Variants in GLB1L2 observed in about 807,000 individuals in gnomAD.
GLB1L2 encodes the protein galactosidase beta 1 like 2.
Under a neutral mutation model 84.1 loss-of-function variants are expected in GLB1L2, and 68 were observed. That is an observed-to-expected ratio of 0.81 (90% CI 0.67 to 0.99). The LOEUF (loss-of-function observed/expected upper bound fraction) is 0.99, where lower values mean the gene tolerates loss of function less well. Among genes scored for constraint, GLB1L2 ranks in the 50% least tolerant of loss-of-function variants. GLB1L2 has a pLI of 0.00. For missense variants in GLB1L2, 762 were observed against 805.6 expected (o/e 0.95, Z 0.66); for synonymous variants, 290 against 318.0 (o/e 0.91, Z 0.94).
intron 8 of GLB1L2, 122 bp downstream of exon 8, chr11:134,364,520 T>G (rs1404065994): frequency 2.6e-6 from 2 of 759,936 alleles, no homozygotes; most frequent in Non-Finnish European, 4.4e-6. Flanking sequence ...TGATGGCCTC[T>G]GGCCCCCCGC....
At chr11:134,358,476 C>A (rs564268547) in intron 6 of GLB1L2, among the ~76,000 whole-genome samples, 1 of 152,282 alleles carries the variant, frequency 6.6e-6, no homozygotes. Context: ...TCAAGCACAG[C>A]GTTTCTTCCA....
chr11:134,354,738 C>T (rs7935721), intron 5 of GLB1L2, among the ~76,000 whole-genome samples: 6,825 of 152,138 alleles, frequency 0.045, 509 homozygotes, highest in East Asian at 0.32. Context: ...CCTTTATAGT[C>T]TTATTGAGGA....
chr11:134,362,467 C>T (rs1010470560), intron 7 of GLB1L2, among the ~76,000 whole-genome samples: 1 of 152,214 alleles, frequency 6.6e-6, no homozygotes. Context: ...ACTCGGAGCG[C>T]CGGGTGTGGG....
At chr11:134,351,329 T>C (rs1346005800) in intron 5 of GLB1L2, among the ~76,000 whole-genome samples, 4 of 150,726 alleles carry the variant, frequency 2.7e-5, no homozygotes, top group Admixed American at 1.3e-4. Context: ...ATTACATTGA[T>C]TGATTCTTTT....
chr11:134,344,834 C>T (rs1173042512), intron 3 of GLB1L2, among the ~76,000 whole-genome samples, 200 bp from the exon 4 acceptor site: 1 of 152,252 alleles, frequency 6.6e-6, no homozygotes, highest in African/African-American at 2.4e-5. Flanking sequence ...CCTCAGGCCC[C>T]CGATGGGGCT....
chr11:134,357,986 A>G (rs962059494), intron 6 of GLB1L2, among the ~76,000 whole-genome samples: 5 of 152,218 alleles, frequency 3.3e-5, no homozygotes, highest in Non-Finnish European at 7.3e-5. Flanking sequence ...GGTGGTAGAT[A>G]CAGGACTCTT....
chr11:134,371,286 G>A, intron 13 of GLB1L2, 135 bp from the exon 14 acceptor site: 1 of 1,254,246 alleles, frequency 8.0e-7, no homozygotes. Flanking sequence ...AGCCTTCAGG[G>A]GGCATTCATG....
chr11:134,356,529 T>C, intron 6 of GLB1L2, 136 bp downstream of exon 6: 2 of 626,490 alleles, frequency 3.2e-6, no homozygotes, highest in Non-Finnish European at 5.6e-6. Context: ...ATTTTCTCTG[T>C]TGTTTTATTT....
chr11:134,363,665 C>T (rs1483965973), intron 7 of GLB1L2, among the ~76,000 whole-genome samples: 2 of 152,194 alleles, frequency 1.3e-5, no homozygotes, highest in African/African-American at 2.4e-5. Context: ...TCTTTGTTTA[C>T]ATCATTACCT....
chr11:134,371,153 G>A lies in GLB1L2; in HGVS notation c.1356+5G>A. ...CACGTGCATGATCGGGGGCAGGTAG[G>A]AGCTTCTCTTCTAAATTCCTGTGAC... On this transcript the variant is annotated splice_donor_5th_base_variant and intron_variant, in intron 13 of 18. Coordinates refer to ENST00000535456, the MANE Select transcript of GLB1L2 (RefSeq NM_001370461.1). 1 of 1,614,052 alleles carries A rather than the reference G, an allele frequency of 6.2e-7. No individual in the cohort carries two copies.
chr11:134,348,937 ACTCTATG>A lies in GLB1L2; in HGVS notation c.558+1508_558+1514del, dbSNP rs1943588230. On this transcript the variant is annotated intron_variant, in intron 5 of 18. Coordinates refer to ENST00000535456, the MANE Select transcript of GLB1L2 (RefSeq NM_001370461.1). ...AAGAGCACTAGCCCTGTTGGCAAGG[ACTCTATG>A]CTCATAACTAATCACCACCCAAAAG... Among the ~76,000 whole-genome samples the A allele has an allele frequency of 3.3e-5, 5 of 152,194 alleles. No homozygotes were observed. In the South Asian group the frequency reaches 1.0e-3, roughly 32 times the overall value.
intron 7 of GLB1L2, 91 bp from the exon 8 acceptor site, chr11:134,364,237 G>A: frequency 1.1e-6 from 1 of 935,844 alleles, no homozygotes. Context: ...ACTTTATTGT[G>A]CTGGTGGATT....
intron 5 of GLB1L2, among the ~76,000 whole-genome samples, chr11:134,353,342 G>A (rs1182704328): frequency 1.3e-5 from 2 of 152,136 alleles, no homozygotes; most frequent in Non-Finnish European, 2.9e-5. Flanking sequence ...CCTGGGAGAT[G>A]GAGGTTGCAG....
chr11:134,374,922 G>A, intron 18 of GLB1L2, 50 bp from the exon 19 acceptor site: 2 of 1,562,342 alleles, frequency 1.3e-6, no homozygotes, highest in Non-Finnish European at 1.8e-6. Context: ...ACCTCCCCTG[G>A]CTCCAGGACA....
At chr11:134,350,044 G>A (rs1429283725) in intron 5 of GLB1L2, among the ~76,000 whole-genome samples, 2 of 152,230 alleles carry the variant, frequency 1.3e-5, no homozygotes, top group Non-Finnish European at 2.9e-5. Flanking sequence ...GCAGAAGGAA[G>A]GAGCCACTTT....
At chr11:134,356,004 T>C (rs1490679829) in intron 5 of GLB1L2, 3 of 544,900 alleles carry the variant, frequency 5.5e-6, no homozygotes, top group Non-Finnish European at 1.1e-5. Context: ...CATACAATTT[T>C]GTACCATTTT....
rs117857605 is a variant in GLB1L2, at chr11:134,364,807, C to T, written c.804+409C>T. 2.3e-3 allele frequency: 376 copies of T among 165,906 alleles called. 3 individuals are homozygous for T. Among genetic ancestry groups the T allele is most frequent in the Non-Finnish European group, 3.6e-3 (276 of 77,076 alleles). 10.3% of individuals were successfully genotyped at this position (165,906 alleles called of 1,614,324 possible). ...AGAAAGATTATTGTCATCAGCAAGG[C>T]AGAAAGCCTGGTCCACTCCAGGTGC... On this transcript the variant is annotated intron_variant, in intron 8 of 18. Transcript: ENST00000535456.
At chr11:134,341,759 T>C (rs945615313) in intron 1 of GLB1L2, among the ~76,000 whole-genome samples, 1 of 152,218 alleles carries the variant, frequency 6.6e-6, no homozygotes, top group Non-Finnish European at 1.5e-5. Context: ...AGCTGTCTTC[T>C]GCCCTGTGGG....
chr11:134,375,579 T>C lies in GLB1L2; in HGVS notation c.*521T>C, dbSNP rs1387874859. On this transcript the variant is annotated 3_prime_UTR_variant, in exon 19 of 19. Coordinates refer to ENST00000535456, the MANE Select transcript of GLB1L2 (RefSeq NM_001370461.1). ...TCTTCCTTCACAACCTTCTGAGCCT[T>C]CTTTGGGATTCTGGAAGGAACTCGG... is the stretch of plus-strand genomic sequence containing the variant. 6.6e-6 allele frequency: 1 copy of C among 152,532 alleles called. No individual in the cohort carries two copies. Among genetic ancestry groups the C allele is most frequent in the Admixed American group, 6.5e-5 (1 of 15,298 alleles). The allele number at this position is 152,532 out of a possible 1,614,324, so 9.4% of individuals were successfully genotyped here. A position where few individuals can be genotyped will look rare whatever the true frequency, so the allele number is the denominator to read the frequency against.
Sources: allele counts gnomAD v4.1 joint callset (sites outside exome capture counted in the v4.1 genomes callset), GRCh38; gene constraint gnomAD v4.1.1; transcripts MANE v1.5; gene names NCBI Gene and HGNC (gene_info 2026-07-23, HGNC 2026-07-21).